Variants in LRP11 observed in about 807,000 individuals in gnomAD.
The protein encoded by LRP11 is LDL receptor related protein 11, also known as low-density lipoprotein receptor-related protein 11.
In LRP11, 25 loss-of-function variants were observed where a neutral mutation model predicts 43.1. The observed-to-expected ratio is 0.58, with a 90% CI of 0.42 to 0.81. The LOEUF is 0.81. Ranked by LOEUF, LRP11 falls within the 30% of genes least tolerant of loss-of-function variation. LRP11 has a pLI of 0.00. For missense variants in LRP11, 623 were observed against 665.1 expected (o/e 0.94, Z 0.70); for synonymous variants, 316 against 299.4 (o/e 1.06, Z -0.57).
intron 1 of LRP11, among the ~76,000 whole-genome samples, chr6:149,856,182 T>A (rs1044243668): frequency 6.6e-6 from 1 of 152,208 alleles, no homozygotes; most frequent in South Asian, 2.1e-4. Flanking sequence ...AATGGACACA[T>A]AATTTTTTAA....
At chr6:149,857,904 G>A (rs1196864485) in intron 1 of LRP11, among the ~76,000 whole-genome samples, 1 of 152,174 alleles carries the variant, frequency 6.6e-6, no homozygotes, top group African/African-American at 2.4e-5. Flanking sequence ...ACCAGGCCAG[G>A]TGAAGTTATA....
intron 3 of LRP11, among the ~76,000 whole-genome samples, chr6:149,839,845 G>A (rs532477202): frequency 9.9e-5 from 15 of 152,104 alleles, no homozygotes; most frequent in Admixed American, 5.2e-4. Context: ...TAAATAATAC[G>A]TGCATACTAC....
At chr6:149,849,556 AG>A (rs1776688776) in intron 2 of LRP11, among the ~76,000 whole-genome samples, 1 of 152,134 alleles carries the variant, frequency 6.6e-6, no homozygotes, top group Non-Finnish European at 1.5e-5. Flanking sequence ...CAGGAGTTTG[AG>A]ATCAGCCTGG....
intron 6 of LRP11, among the ~76,000 whole-genome samples, chr6:149,822,670 G>C (rs573861491): frequency 6.6e-6 from 1 of 152,100 alleles, no homozygotes; most frequent in Non-Finnish European, 1.5e-5. Context: ...AGTCTGGGTA[G>C]ACAGACATTT....
At chr6:149,831,070 C>A (rs375625388) in intron 5 of LRP11, among the ~76,000 whole-genome samples, 16 of 152,358 alleles carry the variant, frequency 1.1e-4, no homozygotes, top group South Asian at 2.1e-4. Flanking sequence ...ACAATGACAT[C>A]ACTTGCTTCT....
intron 3 of LRP11, chr6:149,842,670 C>A: frequency 1.3e-6 from 2 of 1,550,942 alleles, no homozygotes; most frequent in Non-Finnish European, 1.7e-6. Context: ...GCAAATGGAC[C>A]ATCCATCTGT....
chr6:149,862,601 T>A (rs9478192), intron 1 of LRP11, among the ~76,000 whole-genome samples: 1 of 139,734 alleles, frequency 7.2e-6, no homozygotes, highest in East Asian at 2.1e-4. Flanking sequence ...TTTTTTAAGA[T>A]GGAGTTTCGC....
At chr6:149,835,818 T>A (rs572863717) in intron 5 of LRP11, among the ~76,000 whole-genome samples, 11 of 152,296 alleles carry the variant, frequency 7.2e-5, no homozygotes, top group African/African-American at 2.6e-4. Context: ...ACTTTGGGTA[T>A]TGGTTTACGT....
chr6:149,853,275 C>T (rs957760251), intron 1 of LRP11, 115 bp from the exon 2 acceptor site: 12 of 755,650 alleles, frequency 1.6e-5, no homozygotes, highest in Non-Finnish European at 2.4e-5. Context: ...TAAGAGAATC[C>T]ATATTAAATG....
At chr6:149,862,498 C>T (rs1447961220) in intron 1 of LRP11, among the ~76,000 whole-genome samples, 1 of 151,254 alleles carries the variant, frequency 6.6e-6, no homozygotes, top group Non-Finnish European at 1.5e-5. Flanking sequence ...TTCAGAGCAT[C>T]TACAAAAAGT....
intron 3 of LRP11, chr6:149,842,567 G>A (rs1012515007): frequency 1.2e-5 from 16 of 1,384,264 alleles, no homozygotes; most frequent in Non-Finnish European, 1.5e-5. Flanking sequence ...TCCGTCCCCC[G>A]CACAGCCTCC....
At chr6:149,824,418 G>A (rs1252658661) in intron 6 of LRP11, among the ~76,000 whole-genome samples, 2 of 152,228 alleles carry the variant, frequency 1.3e-5, no homozygotes, top group Non-Finnish European at 2.9e-5. Flanking sequence ...AATTATTCTT[G>A]ACTTTTAATA....
rs560471316 is a variant in LRP11, at chr6:149,820,919, A to T, written c.1349-216T>A. On this transcript the variant is annotated intron_variant, in intron 6 of 6. Transcript: ENST00000239367. The stretch of plus-strand genomic sequence containing the variant: ...GCTGTAAGTTGTAGGTTCAGGTCCC[A>T]AACCTAGACTTTTTTTTTTTTTTTT... Among the ~76,000 whole-genome samples, 30 of 150,890 alleles carry T rather than the reference A, an allele frequency of 2.0e-4. No individual in the cohort carries two copies. The South Asian group carries it at 5.4e-3, about 27-fold the overall frequency.
intron 2 of LRP11, among the ~76,000 whole-genome samples, chr6:149,845,357 G>A (rs183287310): frequency 3.3e-4 from 51 of 152,258 alleles, no homozygotes; most frequent in African/African-American, 1.2e-3. Flanking sequence ...CATTCACTGC[G>A]ACAGTGACAG....
Position 149,826,107 on chromosome 6 carries a change from G to C in LRP11, c.1348+157C>G, listed in dbSNP as rs1200072248. The C allele has an allele frequency of 8.8e-6, 6 of 681,496 alleles. No homozygotes were observed. The Admixed American group carries it at 1.3e-4, about 14-fold the overall frequency. 42.2% of individuals were successfully genotyped at this position (681,496 alleles called of 1,614,324 possible). On this transcript the variant is annotated intron_variant, in intron 6 of 6. Transcript: ENST00000239367. ...AGGTTACTATCAGGAGCCCCAAGACGCAGTGCAATACAAGCAACGAGGAGA... is the reference window on the plus strand; with the variant it reads ...AGGTTACTATCAGGAGCCCCAAGACCCAGTGCAATACAAGCAACGAGGAGA...
chr6:149,852,381 G>C (rs771982720), intron 2 of LRP11: 2 of 152,236 alleles, frequency 1.3e-5, no homozygotes, highest in Non-Finnish European at 2.9e-5. Flanking sequence ...ACCCTGAGAG[G>C]GTGAATAAAA....
At chr6:149,848,086 T>A (rs1276237457) in intron 2 of LRP11, among the ~76,000 whole-genome samples, 7 of 152,182 alleles carry the variant, frequency 4.6e-5, no homozygotes, top group Non-Finnish European at 1.0e-4. Context: ...CAAGGTCACA[T>A]GTTCAAACCT....
chr6:149,859,396 A>ATATATATATATTTTTTTTTTTTTT, intron 1 of LRP11, among the ~76,000 whole-genome samples: 5 of 71,496 alleles, frequency 7.0e-5, no homozygotes, highest in African/African-American at 3.3e-4. Flanking sequence ...ATATATATAT[A>ATATATATATATTTTTTTTTTTTTT]TTTTTTTTTT....
intron 6 of LRP11, among the ~76,000 whole-genome samples, chr6:149,823,237 G>T (rs987299779): frequency 1.3e-5 from 2 of 152,178 alleles, no homozygotes; most frequent in African/African-American, 4.8e-5. Context: ...GAGCCCCCTG[G>T]ATTTAGCAAT....
Sources: allele counts gnomAD v4.1 joint callset (sites outside exome capture counted in the v4.1 genomes callset), GRCh38; gene constraint gnomAD v4.1.1; transcripts MANE v1.5; gene names NCBI Gene and HGNC (gene_info 2026-07-23, HGNC 2026-07-21).